BTBD10: variants seen among roughly 807,000 people sequenced by gnomAD.
The protein encoded by BTBD10 is BTB domain containing 10.
Under a neutral mutation model 53.2 loss-of-function variants are expected in BTBD10, and 21 were observed. The ratio of observed to expected loss-of-function variants is 0.39; its 90% CI spans 0.28 to 0.57. The LOEUF (loss-of-function observed/expected upper bound fraction) is 0.57. BTBD10 is among the 20% of genes least tolerant of loss of function. The pLI is 0.53. For synonymous variants in BTBD10, 149 were observed against 192.7 expected (o/e 0.77, Z 1.88); for missense variants, 360 against 594.7 (o/e 0.61, Z 4.10).
At position 13,389,216 on chromosome 11, in the gene BTBD10, T is replaced by C. The variant is rs112455409; in HGVS notation, c.1118-75A>G. On this transcript the variant is annotated intron_variant, in intron 8 of 8. Transcript: ENST00000278174. ...CACCCAATTTCGCCTTAGAAAGCTTTTCTGCTATAGATCCTAAAGAAACAA... is the reference window on the plus strand; with the variant it reads ...CACCCAATTTCGCCTTAGAAAGCTTCTCTGCTATAGATCCTAAAGAAACAA... 1,854 of 1,244,594 alleles carry C rather than the reference T, an allele frequency of 1.5e-3. 27 individuals are homozygous for C. The African/African-American group carries it at 0.024, about 16-fold the overall frequency. 77.1% of individuals were successfully genotyped at this position (1,244,594 alleles called of 1,614,324 possible).
chr11:13,451,768 C>T (rs1302694556), intron 1 of BTBD10, among the ~76,000 whole-genome samples: 1 of 152,062 alleles, frequency 6.6e-6, no homozygotes, highest in African/African-American at 2.4e-5. Context: ...TCCAAGTTGG[C>T]CCAGATGTTA....
chr11:13,398,911 A>T (rs1383092413), intron 8 of BTBD10, among the ~76,000 whole-genome samples: 2 of 152,184 alleles, frequency 1.3e-5, no homozygotes, highest in East Asian at 1.9e-4. Flanking sequence ...CTGAGAGATC[A>T]GCTGTTAGTC....
At chr11:13,454,669 T>C (rs1214176409) in intron 1 of BTBD10, among the ~76,000 whole-genome samples, 1 of 151,958 alleles carries the variant, frequency 6.6e-6, no homozygotes, top group Non-Finnish European at 1.5e-5. Context: ...CTGGGTAACA[T>C]AATGAGACCC....
intron 1 of BTBD10, among the ~76,000 whole-genome samples, chr11:13,449,026 G>C (rs1044730322): frequency 1.3e-5 from 2 of 152,160 alleles, no homozygotes; most frequent in Non-Finnish European, 1.5e-5. Context: ...CTGTTGGCTA[G>C]GGGCAGGCAT....
rs555259530 is a variant in BTBD10 at position 13,395,892 on chromosome 11, G to T, written c.1118-6751C>A. On this transcript the variant is annotated intron_variant, in intron 8 of 8. Transcript: ENST00000278174. Reference sequence around the variant, plus strand: ...CTGAGGGCTCTGTTCTGTTCCATTGGTCTGTATCTCTGTTTTGGTACCAGT... The same window carrying T: ...CTGAGGGCTCTGTTCTGTTCCATTGTTCTGTATCTCTGTTTTGGTACCAGT... Among the ~76,000 whole-genome samples, 8 of 152,200 alleles carry T rather than the reference G, an allele frequency of 5.3e-5. No homozygotes were observed. In the South Asian group the frequency reaches 1.2e-3, roughly 24 times the overall value.
intron 1 of BTBD10, among the ~76,000 whole-genome samples, chr11:13,453,402 A>G (rs1950903515): frequency 1.3e-5 from 2 of 152,204 alleles, no homozygotes; most frequent in Admixed American, 6.5e-5. Context: ...GTTGCCTCTG[A>G]GAAAATGCTG....
At chr11:13,452,617 C>T (rs967491622) in intron 1 of BTBD10, among the ~76,000 whole-genome samples, 6 of 152,096 alleles carry the variant, frequency 3.9e-5, no homozygotes, top group South Asian at 2.1e-4. Context: ...CTGCCACAAA[C>T]GACATACATA....
chr11:13,421,338 A>G (rs1371188387), intron 3 of BTBD10, among the ~76,000 whole-genome samples: 3 of 152,252 alleles, frequency 2.0e-5, no homozygotes, highest in African/African-American at 7.2e-5. Flanking sequence ...AACTATTGCT[A>G]TATATTTCAT....
At chr11:13,442,693 C>A (rs1343997441) in intron 2 of BTBD10, among the ~76,000 whole-genome samples, 1 of 152,108 alleles carries the variant, frequency 6.6e-6, no homozygotes, top group African/African-American at 2.4e-5. Context: ...GCCTTATTGT[C>A]CTCTAATAGT....
intron 3 of BTBD10, among the ~76,000 whole-genome samples, chr11:13,420,175 C>T (rs1950214665): frequency 1.3e-5 from 2 of 152,094 alleles, no homozygotes; most frequent in South Asian, 4.1e-4. Flanking sequence ...AGAGATAACA[C>T]TATTCTGAGA....
intron 8 of BTBD10, among the ~76,000 whole-genome samples, chr11:13,396,833 T>G (rs1949564476): frequency 6.6e-6 from 1 of 152,246 alleles, no homozygotes; most frequent in African/African-American, 2.4e-5. Context: ...GTTTATATGC[T>G]GGATTACGTT....
At chr11:13,434,806 C>T (rs762941390) in intron 2 of BTBD10, among the ~76,000 whole-genome samples, 10 of 151,282 alleles carry the variant, frequency 6.6e-5, no homozygotes, top group East Asian at 1.9e-4. Context: ...GGCAGAGTTA[C>T]GTGGTAGAGT....
intron 8 of BTBD10, among the ~76,000 whole-genome samples, chr11:13,390,858 T>C (rs1193506218): frequency 2.6e-5 from 4 of 152,136 alleles, no homozygotes; most frequent in African/African-American, 9.7e-5. Flanking sequence ...GGGGGTGAGA[T>C]AGGTGCAGCA....
intron 5 of BTBD10, among the ~76,000 whole-genome samples, chr11:13,415,804 T>A (rs1363495634): frequency 6.6e-6 from 1 of 151,934 alleles, no homozygotes; most frequent in African/African-American, 2.4e-5. Context: ...AGTATGCCAC[T>A]ACACCTAGCT....
intron 7 of BTBD10, among the ~76,000 whole-genome samples, chr11:13,404,935 A>G (rs1949785672): frequency 6.6e-6 from 1 of 152,174 alleles, no homozygotes; most frequent in Non-Finnish European, 1.5e-5. Flanking sequence ...ATCCTTACCA[A>G]GTCAACAGAC....
chr11:13,388,718 A>G lies in BTBD10; in HGVS notation c.*113T>C. 1 of 1,214,926 alleles carries G rather than the reference A, an allele frequency of 8.2e-7. No individual in the cohort carries two copies. The highest frequency in any genetic ancestry group is 2.3e-5 in the East Asian group (1 of 42,652). The allele number at this position is 1,214,926 out of a possible 1,614,324, so 75.3% of individuals were successfully genotyped here. A position where few individuals can be genotyped will look rare whatever the true frequency, so the allele number is the denominator to read the frequency against. ...AAAAAAGCCTACACTGCAATATCCT[A>G]AACATTGTTATGTGCATCTCACAAT... On this transcript the variant is annotated 3_prime_UTR_variant, in exon 9 of 9. Coordinates refer to ENST00000278174, the MANE Select transcript of BTBD10 (RefSeq NM_032320.7).
At chr11:13,439,651 G>C (rs1950610751) in intron 2 of BTBD10, among the ~76,000 whole-genome samples, 2 of 151,906 alleles carry the variant, frequency 1.3e-5, no homozygotes, top group African/African-American at 4.8e-5. Flanking sequence ...GCATTCTCAA[G>C]TTACTTGAAA....
chr11:13,398,530 T>A (rs113466338), intron 8 of BTBD10, among the ~76,000 whole-genome samples: 2 of 151,896 alleles, frequency 1.3e-5, no homozygotes, highest in African/African-American at 4.8e-5. Flanking sequence ...TTAGAGCATT[T>A]AGCCCATTTA....
In BTBD10 at chr11:13,431,316, G is replaced by C. The variant is rs147177816; in HGVS notation, c.102-9478C>G. Among the ~76,000 whole-genome samples, 489 of 152,032 alleles carry C rather than the reference G, an allele frequency of 3.2e-3. 4 individuals are homozygous for C. The highest frequency in any genetic ancestry group is 0.011 in the African/African-American group (447 of 41,484). On this transcript the variant is annotated intron_variant, in intron 2 of 8. Transcript: ENST00000278174. ...TACCATCACCAACTGATCACCACTT[G>C]AAAACTTCACAAACCAACATATACT...
Sources: gnomAD v4.1 joint callset for allele counts (sites outside exome capture counted in the v4.1 genomes callset) on GRCh38, gnomAD v4.1.1 for gene constraint, MANE v1.5 for transcripts, NCBI Gene and HGNC (gene_info 2026-07-23, HGNC 2026-07-21) for gene names.